NOP58: variants seen among roughly 807,000 people sequenced by gnomAD.
The protein encoded by NOP58 is nucleolar protein 58.
Under a neutral mutation model 71.2 loss-of-function variants are expected in NOP58, and 44 were observed. That is an observed-to-expected ratio of 0.62 (90% confidence interval 0.49 to 0.79). The LOEUF is 0.79. Ranked by LOEUF, NOP58 falls within the 30% of genes least tolerant of loss-of-function variation. The probability of loss-of-function intolerance (pLI) is 0.00; values close to 1 mark genes in which losing one functional copy is unlikely to be tolerated. For synonymous variants in NOP58, 228 were observed against 200.3 expected, an observed-to-expected ratio of 1.14 and a Z score of -1.17; for missense variants, 538 against 620.2, an observed-to-expected ratio of 0.87 and a Z score of 1.41.
intron 8 of NOP58, 94 bp downstream of exon 8, chr2:202,291,364 G>A: frequency 1.1e-6 from 1 of 887,348 alleles, no homozygotes; most frequent in South Asian, 2.1e-5. Flanking sequence ...ACTTATTGTT[G>A]TTCACCTGAT....
In NOP58 at chr2:202,300,367, GGTTA is replaced by G; in HGVS notation, c.1402+4_1402+7del. ...CAAAAAAGCCAAGATTAAAGTTAAA[GGTTA>G]GTTTGAATTTTTTTTTTAACACAAC... On this transcript the variant is annotated splice_donor_variant and splice_donor_region_variant and intron_variant, in intron 13 of 14. Coordinates refer to ENST00000264279, the MANE Select transcript of NOP58 (RefSeq NM_015934.5). LOFTEE classifies it high-confidence loss of function. 6.3e-7 allele frequency: 1 copy of G among 1,577,692 alleles called. No individual in the cohort carries two copies. The highest frequency in any genetic ancestry group is 2.3e-5 in the East Asian group (1 of 44,288).
At chr2:202,294,520 C>T (rs1004997755) in intron 9 of NOP58, among the ~76,000 whole-genome samples, 1 of 152,004 alleles carries the variant, frequency 6.6e-6, no homozygotes, top group African/African-American at 2.4e-5. Flanking sequence ...TCTAAGCTCC[C>T]CCCTCCAAGA....
chr2:202,296,134 T>A (rs1002841017), intron 10 of NOP58, among the ~76,000 whole-genome samples: 1 of 151,866 alleles, frequency 6.6e-6, no homozygotes, highest in Non-Finnish European at 1.5e-5. Context: ...AAAAAAAAAA[T>A]CTAACATTTA....
intron 2 of NOP58, among the ~76,000 whole-genome samples, chr2:202,276,842 C>G (rs190810256): frequency 1.2e-4 from 18 of 151,108 alleles, no homozygotes; most frequent in Admixed American, 1.1e-3. Flanking sequence ...GACCCTGTCT[C>G]AAAAACATAA....
At position 202,289,963 on chromosome 2, in the gene NOP58, T is replaced by A. The variant is rs559018141; in HGVS notation, c.500-360T>A. Among the ~76,000 whole-genome samples, 222 of 152,194 alleles carry A rather than the reference T, an allele frequency of 1.5e-3. 1 individual carries two copies. The highest frequency in any genetic ancestry group is 1.5e-3 in the East Asian group (8 of 5,186). On this transcript the variant is annotated intron_variant, in intron 6 of 14. Coordinates refer to ENST00000264279, the MANE Select transcript of NOP58 (RefSeq NM_015934.5). Reference sequence around the variant, plus strand: ...GTGTTATTTTTTATTCTTTTTTTTTTAAATTTTTTGCGACGGAATCTTGCT... The same window carrying A: ...GTGTTATTTTTTATTCTTTTTTTTTAAAATTTTTTGCGACGGAATCTTGCT...
intron 9 of NOP58, among the ~76,000 whole-genome samples, chr2:202,293,458 A>G (rs1431817492): frequency 2.6e-5 from 4 of 152,242 alleles, no homozygotes; most frequent in African/African-American, 2.4e-5. Flanking sequence ...TTAAAATGCT[A>G]TGTAATTGAA....
intron 8 of NOP58, among the ~76,000 whole-genome samples, chr2:202,291,635 CA>C: frequency 6.6e-6 from 1 of 151,876 alleles, no homozygotes; most frequent in South Asian, 2.1e-4. Flanking sequence ...ATGAAACCCC[CA>C]TCTCTACTAA....
At chr2:202,296,831 T>G (rs2105855377) in intron 10 of NOP58, among the ~76,000 whole-genome samples, 1 of 152,230 alleles carries the variant, frequency 6.6e-6, no homozygotes, top group South Asian at 2.1e-4. Flanking sequence ...CCTCCCAGGT[T>G]CACGCCATTC....
intron 10 of NOP58, 57 bp downstream of exon 10, chr2:202,295,894 C>A: frequency 1.4e-6 from 2 of 1,393,356 alleles, no homozygotes; most frequent in South Asian, 1.6e-5. Flanking sequence ...TTTTTACAAC[C>A]CATTTTTCTT....
chr2:202,303,289 C>G, intron 14 of NOP58, 97 bp from the exon 15 acceptor site: 6 of 1,547,320 alleles, frequency 3.9e-6, no homozygotes, highest in Non-Finnish European at 5.2e-6. Flanking sequence ...TTTGCTCAAG[C>G]TTACTTTTTT....
intron 1 of NOP58, among the ~76,000 whole-genome samples, chr2:202,267,359 A>C (rs1559257799): frequency 6.6e-6 from 1 of 152,150 alleles, no homozygotes; most frequent in Non-Finnish European, 1.5e-5. Flanking sequence ...ACATTTGAAA[A>C]TACGCAGTTT....
intron 1 of NOP58, among the ~76,000 whole-genome samples, chr2:202,271,277 T>C (rs1482977494): frequency 6.6e-6 from 1 of 151,782 alleles, no homozygotes; most frequent in Non-Finnish European, 1.5e-5. Context: ...TAACATAAGC[T>C]GGGTGTGGTG....
chr2:202,297,332 A>G, intron 10 of NOP58, 47 bp from the exon 11 acceptor site: 1 of 1,550,218 alleles, frequency 6.5e-7, no homozygotes, highest in Non-Finnish European at 8.8e-7. Flanking sequence ...GTTATTGAGG[A>G]TTTTACATCT....
In NOP58 at chr2:202,297,903, A is replaced by G. The variant is rs1173841573; in HGVS notation, c.1265A>G (p.Lys422Arg). ...ALAKTEKYEHKSEVKTYDPSG... is the reference protein window; with the variant it reads ...ALAKTEKYEHRSEVKTYDPSG... ...GCAAAAACAGAAAAATATGAACACAAAAGGTGAGTACATTTAAGTGAGGAT... is the reference window on the plus strand; with the variant it reads ...GCAAAAACAGAAAAATATGAACACAGAAGGTGAGTACATTTAAGTGAGGAT... The change falls in exon 12 of 15, where the codon AAA (lysine) becomes AGA (arginine). Residue 422 changes from lysine to arginine, a missense_variant. Transcript: ENST00000264279. 3 of 1,573,112 alleles carry G rather than the reference A, an allele frequency of 1.9e-6. No homozygotes were observed. Among genetic ancestry groups the G allele is most frequent in the African/African-American group, 2.7e-5 (2 of 73,338 alleles).
chr2:202,290,885 T>G (rs1463196980), intron 7 of NOP58: 6 of 408,202 alleles, frequency 1.5e-5, no homozygotes, highest in Non-Finnish European at 2.2e-5. Flanking sequence ...TGTTGTGGCA[T>G]ATTTTGTCCT....
At chr2:202,283,529 C>G (rs573911515) in intron 4 of NOP58, among the ~76,000 whole-genome samples, 2 of 151,978 alleles carry the variant, frequency 1.3e-5, no homozygotes, top group African/African-American at 4.8e-5. Flanking sequence ...CAACCTCCGC[C>G]TCCTGGGTTG....
chr2:202,272,059 A>G (rs1688519446), intron 1 of NOP58, among the ~76,000 whole-genome samples: 1 of 151,984 alleles, frequency 6.6e-6, no homozygotes, highest in Non-Finnish European at 1.5e-5. Flanking sequence ...CTGGTTATAT[A>G]TTATTTTCAG....
chr2:202,291,847 G>C (rs1688905959), intron 8 of NOP58, among the ~76,000 whole-genome samples: 1 of 146,402 alleles, frequency 6.8e-6, no homozygotes, highest in African/African-American at 2.5e-5. Context: ...AGACAATTAT[G>C]GATTGAGCCT....
At chr2:202,300,758 C>T (rs1689078066) in intron 13 of NOP58, among the ~76,000 whole-genome samples, 1 of 152,110 alleles carries the variant, frequency 6.6e-6, no homozygotes, top group Admixed American at 6.5e-5. Context: ...TTACACGGAG[C>T]GGACTGGAAG....
Sources: gnomAD v4.1 joint callset for allele counts (sites outside exome capture counted in the v4.1 genomes callset) on GRCh38, gnomAD v4.1.1 for gene constraint, MANE v1.5 for transcripts, NCBI Gene and HGNC (gene_info 2026-07-23, HGNC 2026-07-21) for gene names.